DOCK1: variants seen among roughly 807,000 people sequenced by gnomAD.
The protein encoded by DOCK1 is dedicator of cytokinesis protein 1.
Under a neutral mutation model 262.7 loss-of-function variants are expected in DOCK1, and 138 were observed. The observed-to-expected ratio is 0.53, with a 90% CI of 0.46 to 0.61. The LOEUF is 0.61. Ranked by LOEUF, DOCK1 falls within the 20% of genes least tolerant of loss-of-function variation. The pLI is 0.00. For missense variants in DOCK1, 1,908 were observed against 2,370.7 expected (o/e 0.80, Z 4.05); for synonymous variants, 866 against 867.4 (o/e 1.00, Z 0.03).
chr10:126,949,037 C>A lies in DOCK1; in HGVS notation c.47-21665C>A, dbSNP rs1019827985. Among the ~76,000 whole-genome samples, 73 of 152,236 alleles carry A rather than the reference C, an allele frequency of 4.8e-4. 1 individual carries two copies. Among genetic ancestry groups the A allele is most frequent in the Admixed American group, 9.2e-4 (14 of 15,294 alleles). On this transcript the variant is annotated intron_variant, in intron 1 of 51. Coordinates refer to ENST00000623213, the MANE Select transcript of DOCK1 (RefSeq NM_001290223.2). The stretch of plus-strand genomic sequence containing the variant: ...GAGCTTTCGTCTTTGCTTTGGTTCC[C>A]TGGCCACCCTTCGGGATCCTGGCCT...
chr10:127,092,215 C>T (rs984094431), intron 23 of DOCK1, among the ~76,000 whole-genome samples: 3 of 152,164 alleles, frequency 2.0e-5, no homozygotes, highest in African/African-American at 7.2e-5. Context: ...AGCAGTAGTG[C>T]TGGGAGCTGA....
chr10:126,956,094 G>A (rs913254291), intron 1 of DOCK1, among the ~76,000 whole-genome samples: 5 of 152,178 alleles, frequency 3.3e-5, no homozygotes, highest in African/African-American at 9.7e-5. Flanking sequence ...GGAAATGCCC[G>A]CGTCTCTGCA....
chr10:127,382,040 C>T (rs1486122341), intron 37 of DOCK1, among the ~76,000 whole-genome samples: 3 of 152,082 alleles, frequency 2.0e-5, no homozygotes, highest in East Asian at 3.9e-4. Flanking sequence ...TTCACAACCT[C>T]AGTAAGTTAT....
chr10:127,295,944 C>G (rs1590320923), intron 29 of DOCK1, among the ~76,000 whole-genome samples: 1 of 152,170 alleles, frequency 6.6e-6, no homozygotes, highest in Admixed American at 6.5e-5. Flanking sequence ...GATAATGATG[C>G]TCTTAAGTAA....
intron 2 of DOCK1, among the ~76,000 whole-genome samples, chr10:126,977,015 G>T (rs142309297): frequency 6.6e-6 from 1 of 152,216 alleles, no homozygotes; most frequent in African/African-American, 2.4e-5. Context: ...GATTATAGGC[G>T]TGAGCCACTG....
At chr10:127,124,962 A>T (rs2049853164) in intron 25 of DOCK1, among the ~76,000 whole-genome samples, 1 of 152,154 alleles carries the variant, frequency 6.6e-6, no homozygotes, top group South Asian at 2.1e-4. Flanking sequence ...AAATAAAAAA[A>T]AAAAATTAGC....
chr10:127,374,023 G>T, intron 34 of DOCK1, 35 bp from the exon 35 acceptor site: 1 of 1,575,750 alleles, frequency 6.3e-7, no homozygotes, highest in Admixed American at 1.9e-5. Flanking sequence ...CTTTTTCTGA[G>T]TGTGATTAAC....
At chr10:127,084,037 T>C (rs924717207) in intron 23 of DOCK1, among the ~76,000 whole-genome samples, 17 of 152,242 alleles carry the variant, frequency 1.1e-4, no homozygotes, top group Non-Finnish European at 2.4e-4. Context: ...TAAATCCCAT[T>C]ATTTAATATT....
chr10:127,253,794 T>G (rs11016970), intron 28 of DOCK1, among the ~76,000 whole-genome samples: 49,835 of 149,264 alleles, frequency 0.33, 9,532 homozygotes, highest in South Asian at 0.57. Context: ...AGGATCACTT[T>G]AGCCTAGGAG....
At chr10:127,132,116 C>G (rs1357645210) in intron 27 of DOCK1, among the ~76,000 whole-genome samples, 1 of 152,098 alleles carries the variant, frequency 6.6e-6, no homozygotes, top group Non-Finnish European at 1.5e-5. Context: ...GAATAGAAAA[C>G]TGGGGAACTT....
At chr10:127,052,920 T>G in intron 22 of DOCK1, 105 bp downstream of exon 22, 1 of 1,458,644 alleles carries the variant, frequency 6.9e-7, no homozygotes, top group Non-Finnish European at 9.2e-7. Context: ...CCTTTCTTCT[T>G]CCCCCTTTTT....
At chr10:127,346,012 CTTG>C (rs1313313729) in intron 31 of DOCK1, among the ~76,000 whole-genome samples, 2 of 152,196 alleles carry the variant, frequency 1.3e-5, no homozygotes, top group African/African-American at 4.8e-5. Context: ...GCACGCGCCC[CTTG>C]TTGTCCCGTC....
chr10:127,113,297 C>T (rs2048978295), intron 25 of DOCK1, among the ~76,000 whole-genome samples: 2 of 152,148 alleles, frequency 1.3e-5, no homozygotes, highest in South Asian at 4.1e-4. Flanking sequence ...AGTAAACATC[C>T]TCTGGAGGAT....
At chr10:127,343,841 G>T (rs1247578092) in intron 31 of DOCK1, 95 bp downstream of exon 31, 21 of 1,028,380 alleles carry the variant, frequency 2.0e-5, no homozygotes, top group African/African-American at 4.9e-5. Flanking sequence ...GATACAAATT[G>T]AGATGTAATC....
chr10:126,909,802 C>A (rs1450950597), intron 1 of DOCK1, among the ~76,000 whole-genome samples: 1 of 152,216 alleles, frequency 6.6e-6, no homozygotes, highest in Non-Finnish European at 1.5e-5. Context: ...CGAAGCGTTG[C>A]TTTTGTTAAC....
At chr10:126,951,348 T>C (rs2036216451) in intron 1 of DOCK1, among the ~76,000 whole-genome samples, 1 of 151,652 alleles carries the variant, frequency 6.6e-6, no homozygotes, top group Admixed American at 6.6e-5. Flanking sequence ...GTGATGGTAG[T>C]ATTGTTGATA....
At chr10:127,346,945 G>A (rs1590609726) in intron 31 of DOCK1, among the ~76,000 whole-genome samples, 1 of 152,212 alleles carries the variant, frequency 6.6e-6, no homozygotes, top group Non-Finnish European at 1.5e-5. Flanking sequence ...TTGTGGAGGT[G>A]ACAGGAGATC....
At chr10:127,326,638 A>T (rs1049393290) in intron 29 of DOCK1, among the ~76,000 whole-genome samples, 1 of 152,232 alleles carries the variant, frequency 6.6e-6, no homozygotes, top group Non-Finnish European at 1.5e-5. Context: ...TCCAAACTCC[A>T]GTTAATGTTG....
intron 33 of DOCK1, among the ~76,000 whole-genome samples, chr10:127,363,964 C>T (rs888489847): frequency 1.7e-4 from 26 of 152,170 alleles, no homozygotes; most frequent in African/African-American, 2.7e-4. Flanking sequence ...ACCAGAAAGG[C>T]GTGTTGTGAG....
Sources: allele counts gnomAD v4.1 joint callset (sites outside exome capture counted in the v4.1 genomes callset), GRCh38; gene constraint gnomAD v4.1.1; transcripts MANE v1.5; gene names NCBI Gene and HGNC (gene_info 2026-07-23, HGNC 2026-07-21).